PAQR7: variants seen among roughly 807,000 people sequenced by gnomAD.
PAQR7 encodes membrane progestin receptor alpha.
Under a neutral mutation model 24.6 loss-of-function variants are expected in PAQR7, and 14 were observed. The ratio of observed to expected loss-of-function variants is 0.57; its 90% CI spans 0.38 to 0.89. The LOEUF is 0.89. Among genes scored for constraint, PAQR7 ranks in the 40% least tolerant of loss-of-function variants. The pLI, the probability that PAQR7 is intolerant of heterozygous loss-of-function variation, is 0.00. For synonymous variants in PAQR7, 189 were observed against 198.8 expected (o/e 0.95, Z 0.42); for missense variants, 351 against 444.0 (o/e 0.79, Z 1.88).
Position 25,872,191 on chromosome 1 carries a change from G to A in PAQR7, c.-108-1497C>T, listed in dbSNP as rs149540849. Among the ~76,000 whole-genome samples, 852 of 152,310 alleles carry A rather than the reference G, an allele frequency of 5.6e-3. 8 individuals carry two copies. The highest frequency in any genetic ancestry group is 0.019 in the African/African-American group (783 of 41,566). ...TCTTGTGGAAGCAAAACAAAGCCAT[G>A]GATGCCAGGTGTTGGCTCTGGCACA... On this transcript the variant is annotated intron_variant, in intron 1 of 2. Coordinates refer to ENST00000675840, the MANE Select transcript of PAQR7 (RefSeq NM_178422.6).
At position 25,863,539 on chromosome 1, in the gene PAQR7, C is replaced by T. The variant is rs1256660113; in HGVS notation, c.301G>A (p.Asp101Asn). 1.2e-6 allele frequency: 2 copies of T among 1,614,128 alleles called. No homozygotes were observed. The highest frequency in any genetic ancestry group is 8.5e-7 in the Non-Finnish European group (1 of 1,180,010). The change falls in exon 3 of 3, where the codon GAC (aspartate) becomes AAC (asparagine). Residue 101 changes from aspartate (D) to asparagine (N), a missense_variant. Transcript: ENST00000675840. The surrounding 1 kb of genome is among the most constrained non-coding windows in gnomAD (Gnocchi z 6.1). ...LFVETVDFWG[D>N]PHALPLFIIV... is the part of the protein sequence containing the mutation. ...ATGAAGAGGGGCAGGGCGTGTGGGT[C>T]TCCCCAGAAGTCCACGGTCTCCACA...
At chr1:25,869,618 A>G (rs1171201987) in intron 2 of PAQR7, among the ~76,000 whole-genome samples, 1 of 151,434 alleles carries the variant, frequency 6.6e-6, no homozygotes, top group South Asian at 2.1e-4. Flanking sequence ...CTCCTTACCC[A>G]AGGTTGGAGG....
Position 25,867,807 on chromosome 1 carries a change from T to C in PAQR7, c.-23+2802A>G, listed in dbSNP as rs569201205. ...TTGCATTCCTAAGCTCCTCCTGCAT[T>C]AGGATTCTGGCATCAGCCCTGCTCC... is the stretch of plus-strand genomic sequence containing the variant. On this transcript the variant is annotated intron_variant, in intron 2 of 2. Transcript: ENST00000675840. Among the ~76,000 whole-genome samples, 232 of 152,170 alleles carry C rather than the reference T, an allele frequency of 1.5e-3. 1 individual carries two copies. The highest frequency in any genetic ancestry group is 2.3e-3 in the Non-Finnish European group (156 of 68,032).
At chr1:25,869,980 T>C (rs116304103) in intron 2 of PAQR7, among the ~76,000 whole-genome samples, 1 of 152,254 alleles carries the variant, frequency 6.6e-6, no homozygotes, top group African/African-American at 2.4e-5. Context: ...CGCTGCCCTA[T>C]TTTCTTTAGA....
Position 25,875,132 on chromosome 1 carries a change from C to A in PAQR7, c.-109+356G>T, listed in dbSNP as rs183800515. The stretch of plus-strand genomic sequence containing the variant: ...CCCTCCATCCTTCATTTTCTCCAAG[C>A]AGCCCTCCCCTCCCCTGCTCACTGG... On this transcript the variant is annotated intron_variant, in intron 1 of 2. Coordinates refer to ENST00000675840, the MANE Select transcript of PAQR7 (RefSeq NM_178422.6). This position sits in a 1 kb window ranked among gnomAD's most constrained non-coding sequence, Gnocchi z 5.4. Among the ~76,000 whole-genome samples, 1 of 152,282 alleles carries A rather than the reference C, an allele frequency of 6.6e-6. No individual in the cohort carries two copies. Among genetic ancestry groups the A allele is most frequent in the Admixed American group, 6.5e-5 (1 of 15,300 alleles).
At position 25,862,671 on chromosome 1, in the gene PAQR7, G is replaced by A; in HGVS notation, c.*128C>T. ...TTGGCCAGTGATGCCCTTGGCAGTT[G>A]AGTCGTGCACAGAGAGTCACTGTGG... On this transcript the variant is annotated 3_prime_UTR_variant, in exon 3 of 3. Coordinates refer to ENST00000675840, the MANE Select transcript of PAQR7 (RefSeq NM_178422.6). The A allele has an allele frequency of 9.7e-7, 1 of 1,034,604 alleles. No homozygotes were observed. 64.1% of individuals were successfully genotyped at this position (1,034,604 alleles called of 1,614,324 possible).
At chr1:25,864,752 G>A (rs950104557) in intron 2 of PAQR7, among the ~76,000 whole-genome samples, 5 of 152,050 alleles carry the variant, frequency 3.3e-5, no homozygotes, top group African/African-American at 1.2e-4. Flanking sequence ...TGGAGAGGCT[G>A]GGGCAGGAGG....
intron 1 of PAQR7, 98 bp from the exon 2 acceptor site, chr1:25,870,792 A>G (rs1457517134): frequency 6.6e-6 from 1 of 152,130 alleles, no homozygotes; most frequent in African/African-American, 2.4e-5. Context: ...ATTCAGACAA[A>G]CCAGGTTTGA....
At chr1:25,872,468 C>G (rs948788931) in intron 1 of PAQR7, among the ~76,000 whole-genome samples, 1 of 151,166 alleles carries the variant, frequency 6.6e-6, no homozygotes, top group Non-Finnish European at 1.5e-5. Flanking sequence ...CCTCGCAGAA[C>G]TAACAGCCCA....
In PAQR7 at chr1:25,875,221, C is replaced by A. The variant is rs988795461; in HGVS notation, c.-109+267G>T. On this transcript the variant is annotated intron_variant, in intron 1 of 2. Coordinates refer to ENST00000675840, the MANE Select transcript of PAQR7 (RefSeq NM_178422.6). The surrounding 1 kb of genome is among the most constrained non-coding windows in gnomAD (Gnocchi z 5.4). ...GCCGTGCTCCTTCTGCTCCTCCCACCCTTCCCAAGACGCCCCCATCCAGCG... is the reference window on the plus strand; with the variant it reads ...GCCGTGCTCCTTCTGCTCCTCCCACACTTCCCAAGACGCCCCCATCCAGCG... Among the ~76,000 whole-genome samples, 1 of 152,190 alleles carries A rather than the reference C, an allele frequency of 6.6e-6. No individual in the cohort carries two copies. Among genetic ancestry groups the A allele is most frequent in the Non-Finnish European group, 1.5e-5 (1 of 68,030 alleles).
At position 25,863,658 on chromosome 1, in the gene PAQR7, T is replaced by C. The variant is rs770666410; in HGVS notation, c.182A>G (p.Tyr61Cys). The C allele has an allele frequency of 3.7e-6, 6 of 1,613,970 alleles. No individual in the cohort carries two copies. Among genetic ancestry groups the C allele is most frequent in the Non-Finnish European group, 3.4e-6 (4 of 1,179,972 alleles). The change falls in exon 3 of 3, where the codon TAT becomes TGT. Residue 61 changes from tyrosine (Y) to cysteine (C), a missense_variant. By Grantham distance (194) the Tyr-to-Cys change is radical. Coordinates refer to ENST00000675840, the MANE Select transcript of PAQR7 (RefSeq NM_178422.6). This position sits in a 1 kb window ranked among gnomAD's most constrained non-coding sequence, Gnocchi z 6.1. ...GTGCTGCTGGAACAGCGTGCGGAAA[T>C]AGAAGCGCCAGGTCTGATGCAGCGG... ...YRPLHQTWRF[Y>C]FRTLFQQHNE...
At position 25,863,997 on chromosome 1, in the gene PAQR7, G is replaced by A. The variant is rs2048536487; in HGVS notation, c.-22-136C>T. 1 of 660,886 alleles carries A rather than the reference G, an allele frequency of 1.5e-6. No individual in the cohort carries two copies. The highest frequency in any genetic ancestry group is 2.0e-5 in the South Asian group (1 of 49,432). The allele number at this position is 660,886 out of a possible 1,614,324, so 40.9% of individuals were successfully genotyped here. A position where few individuals can be genotyped will look rare whatever the true frequency, so the allele number is the denominator to read the frequency against. The stretch of plus-strand genomic sequence containing the variant: ...CCTTACACTCGGTTTAAGAACAGAA[G>A]ACTCATCCTATGGAATTCCTCATCT... On this transcript the variant is annotated intron_variant, in intron 2 of 2. Transcript: ENST00000675840. The surrounding 1 kb of genome is among the most constrained non-coding windows in gnomAD (Gnocchi z 6.1).
chr1:25,875,268 C>G lies in PAQR7; in HGVS notation c.-109+220G>C, dbSNP rs2048640739. Among the ~76,000 whole-genome samples, 1 of 152,360 alleles carries G rather than the reference C, an allele frequency of 6.6e-6. No homozygotes were observed. The highest frequency in any genetic ancestry group is 2.1e-4 in the South Asian group (1 of 4,830). ...AGCGAGCTCCTCCTTCCTGCGCCCT[C>G]CGCTGGCTGCTTCCCCGGGCGGGCG... On this transcript the variant is annotated intron_variant, in intron 1 of 2. Coordinates refer to ENST00000675840, the MANE Select transcript of PAQR7 (RefSeq NM_178422.6). This position sits in a 1 kb window ranked among gnomAD's most constrained non-coding sequence, Gnocchi z 5.4.
chr1:25,862,799 T>C lies in PAQR7; in HGVS notation c.1041A>G (p.Ter347TrpextTer37). ...CCTCCCTACCAGATGCCATCCCCCT[T>C]CACTTGGTCTTCTGATCAAGTTTGC... Reference protein sequence around the residue: ...VQRKLDQKTK* With the variant: ...VQRKLDQKTKW Residue 347 changes from the stop codon to tryptophan, a stop_lost, in exon 3 of 3, where the codon TGA (stop) becomes TGG (tryptophan). Transcript: ENST00000675840. 6.2e-7 allele frequency: 1 copy of C among 1,611,690 alleles called. No homozygotes were observed. Among genetic ancestry groups the C allele is most frequent in the Non-Finnish European group, 8.5e-7 (1 of 1,178,332 alleles).
chr1:25,862,519 G>A lies in PAQR7; in HGVS notation c.*280C>T, dbSNP rs2048519467. On this transcript the variant is annotated 3_prime_UTR_variant, in exon 3 of 3. Transcript: ENST00000675840. ...AGCTGACCCCCAGCCTCACCCCAGT[G>A]AGTGGCAGTGGAAGGGCAAGCTGGA... 2 of 396,952 alleles carry A rather than the reference G, an allele frequency of 5.0e-6. No individual in the cohort carries two copies. The highest frequency in any genetic ancestry group is 3.4e-5 in the South Asian group (1 of 29,032). 24.6% of individuals were successfully genotyped at this position (396,952 alleles called of 1,614,324 possible).
At chr1:25,866,446 C>T (rs1454978579) in intron 2 of PAQR7, among the ~76,000 whole-genome samples, 1 of 152,138 alleles carries the variant, frequency 6.6e-6, no homozygotes, top group Non-Finnish European at 1.5e-5. Flanking sequence ...TGCCTCAGAC[C>T]CTGTGCTGGA....
intron 1 of PAQR7, among the ~76,000 whole-genome samples, chr1:25,874,036 A>G (rs905564598): frequency 5.9e-5 from 9 of 151,976 alleles, no homozygotes; most frequent in African/African-American, 2.2e-4. Context: ...GGCATGCACC[A>G]CCACACCCGG....
rs537795798 is a variant in PAQR7 at position 25,875,397 on chromosome 1, C to CCAGCCCCG, written c.-109+83_-109+90dup. On this transcript the variant is annotated intron_variant, in intron 1 of 2. Coordinates refer to ENST00000675840, the MANE Select transcript of PAQR7 (RefSeq NM_178422.6). The surrounding 1 kb of genome is among the most constrained non-coding windows in gnomAD (Gnocchi z 5.4). ...CCGCGGAGCCTTGCTCTTTCCACGT[C>CCAGCCCCG]CAGCCCCGCAGCCCCGCAGCCCCGC... Among the ~76,000 whole-genome samples the CCAGCCCCG allele has an allele frequency of 7.1e-3, 1,075 of 152,232 alleles. 14 individuals carry two copies. Among genetic ancestry groups the CCAGCCCCG allele is most frequent in the African/African-American group, 0.022 (905 of 41,528 alleles).
intron 1 of PAQR7, among the ~76,000 whole-genome samples, chr1:25,874,672 C>G (rs2124204970): frequency 6.6e-6 from 1 of 152,328 alleles, no homozygotes; most frequent in Non-Finnish European, 1.5e-5. Context: ...CCGAATCCAT[C>G]GAACTGTTCA....
Sources: gnomAD v4.1 joint callset for allele counts (sites outside exome capture counted in the v4.1 genomes callset) on GRCh38, gnomAD v4.1.1 for gene constraint, Gnocchi (gnomAD v3.1) non-coding constraint, MANE v1.5 for transcripts, NCBI Gene and HGNC (gene_info 2026-07-23, HGNC 2026-07-21) for gene names.